STK32B: variants seen among roughly 807,000 people sequenced by gnomAD.
The protein encoded by STK32B is serine/threonine-protein kinase 32B.
A neutral mutation model predicts 52.6 loss-of-function variants in STK32B; 43 were observed. The observed-to-expected ratio is 0.82, with a 90% CI of 0.64 to 1.05. The LOEUF (loss-of-function observed/expected upper bound fraction) is 1.05. STK32B is among the 50% of genes least tolerant of loss of function. The pLI, the probability that STK32B is intolerant of heterozygous loss-of-function variation, is 0.00. For synonymous variants in STK32B, 238 were observed against 204.3 expected (o/e 1.17, Z -1.41); for missense variants, 621 against 534.6 (o/e 1.16, Z -1.59).
chr4:5,157,247 G>A (rs1338932747), intron 2 of STK32B, among the ~76,000 whole-genome samples: 1 of 143,588 alleles, frequency 7.0e-6, no homozygotes, highest in Non-Finnish European at 1.5e-5. Context: ...AACAGTTAAT[G>A]TTCACGGATC....
At chr4:5,050,977 A>G (rs1051184118), upstream of STK32B, among the ~76,000 whole-genome samples, 1 of 152,166 alleles carries the variant, frequency 6.6e-6, no homozygotes, top group African/African-American at 2.4e-5. Flanking sequence ...TGTACAATGA[A>G]GGGGTCAGAT....
At chr4:5,401,535 T>C (rs1577448502) in intron 5 of STK32B, among the ~76,000 whole-genome samples, 1 of 152,152 alleles carries the variant, frequency 6.6e-6, no homozygotes, top group Admixed American at 6.5e-5. Flanking sequence ...TCTTTCAGGG[T>C]TTTATGTCTT....
intron 3 of STK32B, among the ~76,000 whole-genome samples, chr4:5,233,713 A>T (rs1724431155): frequency 6.6e-6 from 1 of 151,484 alleles, no homozygotes; most frequent in Non-Finnish European, 1.5e-5. Flanking sequence ...CAAGCCATTC[A>T]CTTGGGAGGC....
At chr4:5,187,177 C>T (rs1053581223) in intron 3 of STK32B, among the ~76,000 whole-genome samples, 2 of 152,188 alleles carry the variant, frequency 1.3e-5, no homozygotes, top group Non-Finnish European at 2.9e-5. Flanking sequence ...AGCCAGGATT[C>T]TTCCAGACCT....
intron 3 of STK32B, among the ~76,000 whole-genome samples, chr4:5,246,693 T>C (rs1252201152): frequency 6.6e-6 from 1 of 152,208 alleles, no homozygotes; most frequent in Non-Finnish European, 1.5e-5. Context: ...GTCTTCCCTA[T>C]CTTTGTGGTT....
intron 6 of STK32B, among the ~76,000 whole-genome samples, chr4:5,420,712 G>T (rs1365040925): frequency 6.6e-6 from 1 of 152,104 alleles, no homozygotes; most frequent in Non-Finnish European, 1.5e-5. Context: ...GAGGCTGAGG[G>T]GGACATCCCA....
chr4:5,460,800 T>C lies in STK32B; in HGVS notation c.909+572T>C, dbSNP rs1716969624. ...GCCTGGGTTTCAAAGAACAATTTTA[T>C]AGCATTTAAGGGAATAAACCAGAGG... On this transcript the variant is annotated intron_variant, in intron 9 of 11. Coordinates refer to ENST00000282908, the MANE Select transcript of STK32B (RefSeq NM_018401.3). The surrounding 1 kb of genome is among the most constrained non-coding windows in gnomAD (Gnocchi z 4.8). Among the ~76,000 whole-genome samples the C allele has an allele frequency of 6.6e-6, 1 of 152,102 alleles. No homozygotes were observed. The highest frequency in any genetic ancestry group is 2.4e-5 in the African/African-American group (1 of 41,412).
intron 1 of STK32B, among the ~76,000 whole-genome samples, chr4:5,083,089 A>C (rs565829232): frequency 6.6e-6 from 1 of 152,314 alleles, no homozygotes; most frequent in African/African-American, 2.4e-5. Flanking sequence ...ATTCTAGTGC[A>C]TATCACTGTC....
chr4:5,124,597 G>A (rs1415533522), intron 1 of STK32B, among the ~76,000 whole-genome samples: 1 of 152,170 alleles, frequency 6.6e-6, no homozygotes, highest in Non-Finnish European at 1.5e-5. Flanking sequence ...GACACTACAG[G>A]TCATAGATAT....
At position 5,430,825 on chromosome 4, in the gene STK32B, GT is replaced by G. The variant is rs201534553; in HGVS notation, c.562+13892del. ...GTTGGGTTTTAGTGTGGTTACCAAA[GT>G]GTTTTCCTCAATGTTCCTGTTCCAC... On this transcript the variant is annotated intron_variant, in intron 6 of 11. Transcript: ENST00000282908. Among the ~76,000 whole-genome samples the G allele has an allele frequency of 4.0e-3, 609 of 152,288 alleles. 1 individual carries two copies. The highest frequency in any genetic ancestry group is 0.014 in the African/African-American group (572 of 41,556).
chr4:5,327,314 T>C (rs1731947476), intron 3 of STK32B, among the ~76,000 whole-genome samples: 2 of 150,516 alleles, frequency 1.3e-5, no homozygotes, highest in Non-Finnish European at 3.0e-5. Context: ...TTAATGACAA[T>C]CTAGTATGGC....
At chr4:5,333,749 C>T (rs1296780501) in intron 4 of STK32B, among the ~76,000 whole-genome samples, 1 of 152,128 alleles carries the variant, frequency 6.6e-6, no homozygotes, top group African/African-American at 2.4e-5. Flanking sequence ...TTCCCCATTG[C>T]TTGTTTTTCT....
rs895362393 is a variant in STK32B, at chr4:5,470,970, C to T, written c.1106+2900C>T. Among the ~76,000 whole-genome samples the T allele has an allele frequency of 3.3e-5, 5 of 152,234 alleles. No individual in the cohort carries two copies. Among genetic ancestry groups the T allele is most frequent in the African/African-American group, 9.6e-5 (4 of 41,474 alleles). ...TCATGCTCCGCCTGGACCACGTCCC[C>T]GGTCCCCAGCAGTTCCGCCTCCTTT... On this transcript the variant is annotated intron_variant, in intron 11 of 11. Coordinates refer to ENST00000282908, the MANE Select transcript of STK32B (RefSeq NM_018401.3). This position sits in a 1 kb window ranked among gnomAD's most constrained non-coding sequence, Gnocchi z 4.6.
At chr4:5,183,500 A>G (rs1157378237) in intron 3 of STK32B, among the ~76,000 whole-genome samples, 1 of 152,046 alleles carries the variant, frequency 6.6e-6, no homozygotes, top group Non-Finnish European at 1.5e-5. Flanking sequence ...AAATTAAATT[A>G]AAAAATAAAA....
intron 3 of STK32B, among the ~76,000 whole-genome samples, chr4:5,256,062 A>T (rs1161313315): frequency 6.6e-6 from 1 of 152,130 alleles, no homozygotes; most frequent in African/African-American, 2.4e-5. Flanking sequence ...TAATACTCTG[A>T]GATTAGAAGA....
intron 11 of STK32B, among the ~76,000 whole-genome samples, chr4:5,490,664 G>C (rs970606718): frequency 6.6e-6 from 1 of 151,840 alleles, no homozygotes; most frequent in Non-Finnish European, 1.5e-5. Flanking sequence ...CATTTTGGTT[G>C]CTGCACCCAT....
chr4:5,094,848 A>G (rs746623718), intron 1 of STK32B, among the ~76,000 whole-genome samples: 1 of 152,080 alleles, frequency 6.6e-6, no homozygotes, highest in Non-Finnish European at 1.5e-5. Flanking sequence ...TCAAGGGTCA[A>G]CTTACTTTCT....
intron 4 of STK32B, among the ~76,000 whole-genome samples, chr4:5,342,936 T>C (rs889817486): frequency 6.6e-6 from 1 of 152,206 alleles, no homozygotes; most frequent in African/African-American, 2.4e-5. Context: ...TCCTAGAACT[T>C]CTCTGACCAA....
rs1168510344 is a variant in STK32B, at chr4:5,051,525, C to G, written c.-339C>G. 2.4e-5 allele frequency: 8 copies of G among 336,122 alleles called. No homozygotes were observed. The highest frequency in any genetic ancestry group is 3.7e-5 in the Non-Finnish European group (7 of 187,084). 20.8% of individuals were successfully genotyped at this position (336,122 alleles called of 1,614,324 possible). A position where few individuals can be genotyped will look rare whatever the true frequency, so the allele number is the denominator to read the frequency against. ...CCCGCGCCGCCTCGCGTCTCCCGCC[C>G]GCTGTAGCCGGCGAGGAGCGCCGCA... On this transcript the variant is annotated 5_prime_UTR_variant, in exon 1 of 12. Coordinates refer to ENST00000282908, the MANE Select transcript of STK32B (RefSeq NM_018401.3).
Sources: allele counts gnomAD v4.1 joint callset (sites outside exome capture counted in the v4.1 genomes callset), GRCh38; gene constraint gnomAD v4.1.1; non-coding constraint Gnocchi (gnomAD v3.1); transcripts MANE v1.5; gene names NCBI Gene and HGNC (gene_info 2026-07-23, HGNC 2026-07-21).